Variants in FANCL observed in about 807,000 individuals in gnomAD.
The protein encoded by FANCL is E3 ubiquitin-protein ligase FANCL.
A neutral mutation model predicts 59.4 loss-of-function variants in FANCL; 69 were observed. That is an observed-to-expected ratio of 1.16 (90% CI 0.96 to 1.42). FANCL has a LOEUF of 1.42. Ranked by LOEUF, FANCL falls within the 40% of genes most tolerant of loss-of-function variation. FANCL has a pLI of 0.00. For missense variants in FANCL, 519 were observed against 447.2 expected, an observed-to-expected ratio of 1.16 and a Z score of -1.45; for synonymous variants, 180 against 147.1, an observed-to-expected ratio of 1.22 and a Z score of -1.62.
intron 7 of FANCL, among the ~76,000 whole-genome samples, chr2:58,177,110 T>C (rs1687410380): frequency 1.3e-5 from 2 of 152,192 alleles, no homozygotes; most frequent in South Asian, 4.2e-4. Flanking sequence ...AGAATGGCAA[T>C]CATTAAAAAG....
chr2:58,241,123 T>G, intron 1 of FANCL, 95 bp downstream of exon 1: 1 of 1,331,348 alleles, frequency 7.5e-7, no homozygotes, highest in Non-Finnish European at 1.1e-6. Context: ...TCCCCACAAG[T>G]CTGGGCCCCT....
intron 1 of FANCL, among the ~76,000 whole-genome samples, chr2:58,235,221 G>C (rs1693907639): frequency 6.6e-6 from 1 of 152,028 alleles, no homozygotes; most frequent in South Asian, 2.1e-4. Context: ...GAGGATTCCT[G>C]ACAAGGAGTC....
intron 7 of FANCL, among the ~76,000 whole-genome samples, chr2:58,197,108 T>C (rs1689511286): frequency 6.6e-6 from 1 of 151,566 alleles, no homozygotes; most frequent in Non-Finnish European, 1.5e-5. Context: ...CTCTCTTCTC[T>C]ATTTTGCTAT....
chr2:58,202,081 GGC>G (rs1488110173), intron 6 of FANCL, among the ~76,000 whole-genome samples: 4 of 150,972 alleles, frequency 2.6e-5, no homozygotes. Context: ...GACAATCGCA[GGC>G]CCAATTTCTT....
At chr2:58,202,520 GTTT>G (rs935437096) in intron 6 of FANCL, among the ~76,000 whole-genome samples, 1 of 148,006 alleles carries the variant, frequency 6.8e-6, no homozygotes, top group South Asian at 2.1e-4. Context: ...TTCCAAAACA[GTTT>G]TTTTTTTCTT....
chr2:58,163,342 C>T (rs1229220220), intron 9 of FANCL, 92 bp downstream of exon 9: 17 of 915,072 alleles, frequency 1.9e-5, no homozygotes, highest in Non-Finnish European at 3.0e-5. Flanking sequence ...TAAAAACTAC[C>T]ATTAATATAC....
intron 7 of FANCL, among the ~76,000 whole-genome samples, chr2:58,192,696 C>G (rs963027068): frequency 2.6e-5 from 4 of 151,772 alleles, no homozygotes; most frequent in African/African-American, 9.7e-5. Flanking sequence ...TCCTCATTAT[C>G]TACGGTGGAA....
chr2:58,207,591 G>GA (rs1690721534), intron 5 of FANCL, among the ~76,000 whole-genome samples: 2 of 152,060 alleles, frequency 1.3e-5, no homozygotes, highest in Non-Finnish European at 2.9e-5. Context: ...AACTACTGAG[G>GA]ATTTACATTT....
chr2:58,215,929 C>A (rs1274103078), intron 5 of FANCL, among the ~76,000 whole-genome samples: 1 of 151,764 alleles, frequency 6.6e-6, no homozygotes, highest in Non-Finnish European at 1.5e-5. Flanking sequence ...GTTCATAATA[C>A]AAGGAGAAAT....
rs1060501896 is a variant in FANCL, at chr2:58,161,593, C to T, written c.949G>A (p.Gly317Ser). The change falls in exon 12 of 14, where the codon GGT becomes AGT. Residue 317 changes from glycine (G) to serine (S), a missense_variant. Transcript: ENST00000233741. The stretch of plus-strand genomic sequence containing the variant: ...TCACACACTTGATCAGGAATGGTAC[C>T]GTCAAGTTGATAAGCATAACAAATT... ...CGICYAYQLD[G>S]TIPDQVCDNS... The T allele has an allele frequency of 8.7e-6, 14 of 1,611,430 alleles. No individual in the cohort carries two copies. The highest frequency in any genetic ancestry group is 1.7e-4 in the Middle Eastern group (1 of 6,048).
intron 5 of FANCL, among the ~76,000 whole-genome samples, chr2:58,205,020 G>C (rs1054453606): frequency 1.3e-5 from 2 of 151,826 alleles, no homozygotes; most frequent in Non-Finnish European, 2.9e-5. Flanking sequence ...TAGTGAACTG[G>C]GCATATGGAT....
At chr2:58,175,244 A>C (rs568221238) in intron 7 of FANCL, among the ~76,000 whole-genome samples, 1 of 148,428 alleles carries the variant, frequency 6.7e-6, no homozygotes, top group African/African-American at 2.5e-5. Context: ...AAACTATTAC[A>C]ATCAATAGAA....
At chr2:58,204,069 TCA>T (rs1690326842) in intron 6 of FANCL, 59 bp downstream of exon 6, 5 of 1,241,086 alleles carry the variant, frequency 4.0e-6, no homozygotes, top group African/African-American at 1.5e-5. Context: ...TTGAGAGCAT[TCA>T]CAGAGTTCAT....
chr2:58,218,631 A>C (rs1283198133), intron 5 of FANCL, among the ~76,000 whole-genome samples: 3 of 151,968 alleles, frequency 2.0e-5, no homozygotes, highest in East Asian at 1.9e-4. Context: ...AAAAAAAAAA[A>C]CTATAAAAAT....
At chr2:58,217,203 TATATATATATATACACACACAC>T (rs1310716866) in intron 5 of FANCL, among the ~76,000 whole-genome samples, 308 of 8,664 alleles carry the variant, frequency 0.036, 2 homozygotes, top group Non-Finnish European at 0.047. Context: ...TATATATATA[TATATATATATATACACACACAC>T]ACACACACAC....
intron 1 of FANCL, among the ~76,000 whole-genome samples, chr2:58,236,240 G>C (rs1187033413): frequency 1.3e-5 from 2 of 151,794 alleles, no homozygotes; most frequent in African/African-American, 4.8e-5. Context: ...CTTAAAAGCA[G>C]CCAGAGGAAA....
At chr2:58,196,841 T>C (rs533331720) in intron 7 of FANCL, among the ~76,000 whole-genome samples, 8 of 151,900 alleles carry the variant, frequency 5.3e-5, no homozygotes, top group Non-Finnish European at 1.0e-4. Flanking sequence ...AATTTAGAAA[T>C]AACACCTGGA....
chr2:58,216,268 T>C (rs527981064), intron 5 of FANCL, among the ~76,000 whole-genome samples: 7 of 152,290 alleles, frequency 4.6e-5, no homozygotes, highest in South Asian at 2.1e-4. Flanking sequence ...CTTGGGCCCT[T>C]TGCCAATCTG....
chr2:58,176,960 A>G (rs1687389733), intron 7 of FANCL, among the ~76,000 whole-genome samples: 1 of 152,190 alleles, frequency 6.6e-6, no homozygotes, highest in Non-Finnish European at 1.5e-5. Context: ...CCCATCAAAA[A>G]GTGGGCAAAG....
Sources: allele counts gnomAD v4.1 joint callset (sites outside exome capture counted in the v4.1 genomes callset), GRCh38; gene constraint gnomAD v4.1.1; transcripts MANE v1.5; gene names NCBI Gene and HGNC (gene_info 2026-07-23, HGNC 2026-07-21).